The following RFC3 variants were observed in gnomAD, a reference collection of about 807,000 sequenced individuals.
RFC3 encodes A1 38 kDa subunit.
RFC3 carries 41 observed loss-of-function variants against 45.1 expected under a neutral mutation model. The ratio of observed to expected loss-of-function variants is 0.91; its 90% CI spans 0.71 to 1.18. RFC3 has a LOEUF of 1.18. RFC3 is among the 50% of genes most tolerant of loss of function. The pLI is 0.00. For synonymous variants in RFC3, 149 were observed against 144.0 expected (o/e 1.03, Z -0.25); for missense variants, 423 against 428.1 (o/e 0.99, Z 0.10).
intron 8 of RFC3, among the ~76,000 whole-genome samples, chr13:33,925,443 G>T (rs1283117278): frequency 3.0e-5 from 4 of 134,730 alleles, no homozygotes; most frequent in African/African-American, 1.3e-4. Context: ...TACATACATA[G>T]TGTACTATAT....
At chr13:33,947,529 A>G (rs534595333) in intron 8 of RFC3, among the ~76,000 whole-genome samples, 182 of 152,242 alleles carry the variant, frequency 1.2e-3, no homozygotes, top group Non-Finnish European at 2.0e-3. Flanking sequence ...TGTTGAAGCG[A>G]CTCTGGAACT....
chr13:33,837,184 C>T lies in RFC3; in HGVS notation c.*889C>T, dbSNP rs961585801. The T allele has an allele frequency of 4.4e-6, 2 of 449,528 alleles. No homozygotes were observed. Among genetic ancestry groups the T allele is most frequent in the Non-Finnish European group, 5.9e-6 (2 of 340,612 alleles). The allele number at this position is 449,528 out of a possible 1,614,324, so 27.8% of individuals were successfully genotyped here. Reference sequence around the variant, plus strand: ...ATGATCCCAATCAAGGTATAGATGCCGTCACCCCAAAAAGTTCCCTCCATA... The same window carrying T: ...ATGATCCCAATCAAGGTATAGATGCTGTCACCCCAAAAAGTTCCCTCCATA... On this transcript the variant is annotated 3_prime_UTR_variant, in exon 9 of 9. Transcript: ENST00000380071.
intron 8 of RFC3, among the ~76,000 whole-genome samples, chr13:33,920,720 G>A (rs1438290808): frequency 2.0e-5 from 3 of 152,070 alleles, no homozygotes; most frequent in African/African-American, 7.2e-5. Context: ...ACAGGTGTGA[G>A]CCACTGCACC....
At chr13:33,964,733 A>G (rs1293302848) in intron 8 of RFC3, among the ~76,000 whole-genome samples, 2 of 152,128 alleles carry the variant, frequency 1.3e-5, no homozygotes, top group Non-Finnish European at 2.9e-5. Context: ...TTGAATGGTG[A>G]CCCCCAAAAA....
intron 8 of RFC3, among the ~76,000 whole-genome samples, chr13:33,924,721 GTGTGTGTA>G (rs2082791940): frequency 7.8e-6 from 1 of 128,070 alleles, no homozygotes; most frequent in African/African-American, 3.8e-5. Flanking sequence ...GTGTGTGTGT[GTGTGTGTA>G]TATATATATA....
intron 8 of RFC3, among the ~76,000 whole-genome samples, chr13:33,867,518 TG>T (rs1386285890): frequency 5.3e-5 from 8 of 152,176 alleles, no homozygotes; most frequent in African/African-American, 1.9e-4. Flanking sequence ...ATAAGAATCA[TG>T]GGATGATTGA....
intron 8 of RFC3, among the ~76,000 whole-genome samples, chr13:33,854,950 C>A (rs2082299326): frequency 9.2e-6 from 1 of 108,804 alleles, no homozygotes; most frequent in African/African-American, 2.9e-5. Flanking sequence ...CTTAAGTCAT[C>A]CTGATTTCCC....
At chr13:33,971,197 G>A (rs950561094), downstream of RFC3, among the ~76,000 whole-genome samples, 42 of 152,206 alleles carry the variant, frequency 2.8e-4, no homozygotes, top group Admixed American at 9.8e-4. Flanking sequence ...TCTCTTTTGC[G>A]ATCATTTCAG....
chr13:33,853,413 A>G (rs1239291539), intron 8 of RFC3, among the ~76,000 whole-genome samples: 1 of 152,210 alleles, frequency 6.6e-6, no homozygotes, highest in East Asian at 1.9e-4. Flanking sequence ...AAATGACATT[A>G]TTAGAAACCC....
downstream of RFC3, among the ~76,000 whole-genome samples, chr13:33,837,829 T>C (rs2139432909): frequency 6.6e-6 from 1 of 152,222 alleles, no homozygotes; most frequent in South Asian, 2.1e-4. Context: ...TAATTTAAAG[T>C]TATAAATTTC....
chr13:33,895,055 A>G (rs1329366558), intron 8 of RFC3, among the ~76,000 whole-genome samples: 1 of 152,222 alleles, frequency 6.6e-6, no homozygotes, highest in Non-Finnish European at 1.5e-5. Context: ...AAATTCTAGA[A>G]GAAAACCTAG....
At chr13:33,897,812 A>G (rs550932509) in intron 8 of RFC3, among the ~76,000 whole-genome samples, 3 of 152,180 alleles carry the variant, frequency 2.0e-5, no homozygotes, top group African/African-American at 7.2e-5. Flanking sequence ...CTGTAAAAAG[A>G]AGCAAAGGAG....
At chr13:33,861,009 C>A (rs2082337631) in intron 8 of RFC3, among the ~76,000 whole-genome samples, 1 of 152,020 alleles carries the variant, frequency 6.6e-6, no homozygotes, top group South Asian at 2.1e-4. Context: ...AGTGATCCTC[C>A]CGCCTCAGCC....
intron 8 of RFC3, among the ~76,000 whole-genome samples, chr13:33,925,611 GTGTA>G: frequency 6.8e-6 from 1 of 147,476 alleles, no homozygotes; most frequent in Non-Finnish European, 1.5e-5. Context: ...TACATATATA[GTGTA>G]CTATATACAT....
chr13:33,821,155 TC>T lies in RFC3; in HGVS notation c.112del (p.Leu38CysfsTer2). ...NLVQCGDFPH[L>X]LVYGPSGAGK... Reference sequence around the variant, plus strand: ...AGGTGCAGTGTGGTGACTTTCCTCATCTGTTAGTGTACGGACCATCAGGTGC... The same window carrying T: ...AGGTGCAGTGTGGTGACTTTCCTCATTGTTAGTGTACGGACCATCAGGTGC... On this transcript the variant is annotated frameshift_variant, in exon 2 of 9. Transcript: ENST00000380071. LOFTEE classifies it high-confidence loss of function. The T allele has an allele frequency of 6.2e-7, 1 of 1,613,684 alleles. No individual in the cohort carries two copies. Among genetic ancestry groups the T allele is most frequent in the African/African-American group, 1.3e-5 (1 of 75,004 alleles).
chr13:33,965,972 C>A, intron 8 of RFC3: 1 of 731,692 alleles, frequency 1.4e-6, no homozygotes, highest in South Asian at 1.6e-5. Context: ...GTAGCTTGCT[C>A]CTGAGCCTTA....
intron 6 of RFC3, 86 bp from the exon 7 acceptor site, chr13:33,831,170 C>T (rs910998117): frequency 3.6e-6 from 3 of 823,544 alleles, no homozygotes; most frequent in Middle Eastern, 2.2e-4. Flanking sequence ...CGGTTCCTAA[C>T]CGCACGGACC....
intron 8 of RFC3, among the ~76,000 whole-genome samples, chr13:33,885,753 A>G (rs1395752830): frequency 6.6e-6 from 1 of 152,222 alleles, no homozygotes; most frequent in African/African-American, 2.4e-5. Context: ...AGTGTTTGTC[A>G]GAATGTTTGG....
chr13:33,855,207 T>C (rs953278358), intron 8 of RFC3, among the ~76,000 whole-genome samples: 1 of 152,206 alleles, frequency 6.6e-6, no homozygotes, highest in African/African-American at 2.4e-5. Flanking sequence ...GTTTGAGAAC[T>C]GTTCTTAGTG....
Sources: allele counts gnomAD v4.1 joint callset (sites outside exome capture counted in the v4.1 genomes callset), GRCh38; gene constraint gnomAD v4.1.1; transcripts MANE v1.5; gene names NCBI Gene and HGNC (gene_info 2026-07-23, HGNC 2026-07-21).